The following GNA12 variants were observed in gnomAD, a reference collection of about 807,000 sequenced individuals.
The protein encoded by GNA12 is G protein subunit alpha 12.
A neutral mutation model predicts 26.0 loss-of-function variants in GNA12; 9 were observed. The observed-to-expected ratio is 0.35, with a 90% CI of 0.21 to 0.60. GNA12 has a LOEUF of 0.60. Among genes scored for constraint, GNA12 ranks in the 20% least tolerant of loss-of-function variants. The pLI is 0.78. For synonymous variants in GNA12, 264 were observed against 219.6 expected, an observed-to-expected ratio of 1.20 and a Z score of -1.79; for missense variants, 405 against 525.8, an observed-to-expected ratio of 0.77 and a Z score of 2.25.
chr7:2,827,717 A>G (rs1008747044), intron 1 of GNA12, among the ~76,000 whole-genome samples: 11 of 152,232 alleles, frequency 7.2e-5, no homozygotes, highest in African/African-American at 2.7e-4. Context: ...CAGAGAAAGG[A>G]GTTATAATGA....
intron 2 of GNA12, among the ~76,000 whole-genome samples, chr7:2,738,427 C>T (rs1301370840): frequency 2.0e-5 from 3 of 152,172 alleles, no homozygotes; most frequent in East Asian, 1.9e-4. Flanking sequence ...TACGCACCGG[C>T]GAAGGAGAAG....
intron 1 of GNA12, among the ~76,000 whole-genome samples, chr7:2,805,815 ACACT>A (rs1170529184): frequency 6.6e-6 from 1 of 152,202 alleles, no homozygotes; most frequent in Admixed American, 6.5e-5. Context: ...GACACTGAAA[ACACT>A]CACTCATCTA....
At chr7:2,732,677 C>A (rs1789960702) in intron 3 of GNA12, among the ~76,000 whole-genome samples, 2 of 152,214 alleles carry the variant, frequency 1.3e-5, no homozygotes, top group African/African-American at 4.8e-5. Context: ...AGAGGTCTGA[C>A]TACCACCCAC....
Position 2,728,932 on chromosome 7 carries a change from C to T in GNA12, c.*2249G>A, listed in dbSNP as rs377610063. 3.3e-5 allele frequency: 5 copies of T among 152,488 alleles called. No homozygotes were observed. The highest frequency in any genetic ancestry group is 4.1e-4 in the South Asian group (2 of 4,832). The allele number at this position is 152,488 out of a possible 1,614,324, so 9.4% of individuals were successfully genotyped here. A position where few individuals can be genotyped will look rare whatever the true frequency, so the allele number is the denominator to read the frequency against. On this transcript the variant is annotated 3_prime_UTR_variant, in exon 4 of 4. Coordinates refer to ENST00000275364, the MANE Select transcript of GNA12 (RefSeq NM_007353.3). ...CGCTGAGCGGGTCAAGAGCCCGCGC[C>T]GGGGGCCATCCCCCTGCGCTTTCTA... is the stretch of plus-strand genomic sequence containing the variant.
chr7:2,831,504 C>T (rs1241595494), intron 1 of GNA12, among the ~76,000 whole-genome samples: 6 of 150,604 alleles, frequency 4.0e-5, no homozygotes, highest in Non-Finnish European at 5.9e-5. Flanking sequence ...CCCGGGTTCA[C>T]GCCATTCTCC....
At chr7:2,753,672 G>A (rs140356964) in intron 2 of GNA12, among the ~76,000 whole-genome samples, 46 of 152,324 alleles carry the variant, frequency 3.0e-4, no homozygotes, top group Middle Eastern at 3.4e-3. Context: ...TGGTGTGGAT[G>A]TAAGTTTCAT....
rs899975742 is a variant in GNA12 at position 2,737,327 on chromosome 7, C to A, written c.526-3826G>T. On this transcript the variant is annotated intron_variant, in intron 2 of 3. Coordinates refer to ENST00000275364, the MANE Select transcript of GNA12 (RefSeq NM_007353.3). ...TTTTTGAGATGGAGTCTCGCCCTGTCGCCCCGGCTGGAGTGCAGTGGTGTG... is the reference window on the plus strand; with the variant it reads ...TTTTTGAGATGGAGTCTCGCCCTGTAGCCCCGGCTGGAGTGCAGTGGTGTG... Among the ~76,000 whole-genome samples the A allele has an allele frequency of 3.3e-5, 4 of 119,460 alleles. No homozygotes were observed. The South Asian group carries it at 1.2e-3, about 36-fold the overall frequency. 78.4% of individuals were successfully genotyped at this position (119,460 alleles called of 152,430 possible). A position where few individuals can be genotyped will look rare whatever the true frequency, so the allele number is the denominator to read the frequency against.
intron 1 of GNA12, among the ~76,000 whole-genome samples, chr7:2,829,055 A>G (rs2114970927): frequency 6.6e-6 from 1 of 150,784 alleles, no homozygotes; most frequent in South Asian, 2.1e-4. Flanking sequence ...CCTCGGCGAC[A>G]GAGCCAGACC....
chr7:2,745,351 T>A, intron 2 of GNA12, among the ~76,000 whole-genome samples: 1 of 151,974 alleles, frequency 6.6e-6, no homozygotes, highest in Non-Finnish European at 1.5e-5. Flanking sequence ...CAGAAGAGAG[T>A]GGGGGCCAAT....
intron 1 of GNA12, among the ~76,000 whole-genome samples, chr7:2,823,029 G>A (rs1265495494): frequency 1.3e-5 from 2 of 152,138 alleles, no homozygotes; most frequent in African/African-American, 4.8e-5. Flanking sequence ...GTCTTTCAGG[G>A]ACATTACAGT....
At chr7:2,780,850 C>CATGGCT (rs1455237175) in intron 2 of GNA12, among the ~76,000 whole-genome samples, 1 of 152,166 alleles carries the variant, frequency 6.6e-6, no homozygotes, top group Non-Finnish European at 1.5e-5. Context: ...CATTTACATA[C>CATGGCT]ATGGCTTTTC....
intron 2 of GNA12, among the ~76,000 whole-genome samples, chr7:2,789,964 G>A (rs1792476130): frequency 6.6e-6 from 1 of 152,240 alleles, no homozygotes. Context: ...GGTTAAGCCA[G>A]TTTGAGCTGG....
intron 1 of GNA12, among the ~76,000 whole-genome samples, chr7:2,807,818 A>G (rs1792984833): frequency 6.6e-6 from 1 of 152,242 alleles, no homozygotes; most frequent in African/African-American, 2.4e-5. Context: ...AGCATCAGGC[A>G]GCCTCACTAA....
chr7:2,738,326 A>C (rs1790315566), intron 2 of GNA12, among the ~76,000 whole-genome samples: 1 of 152,186 alleles, frequency 6.6e-6, no homozygotes, highest in Non-Finnish European at 1.5e-5. Context: ...TGGCAGAAAT[A>C]CAAAGTGACG....
At chr7:2,804,920 T>C (rs757072033) in intron 1 of GNA12, among the ~76,000 whole-genome samples, 3 of 148,986 alleles carry the variant, frequency 2.0e-5, no homozygotes, top group African/African-American at 5.0e-5. Flanking sequence ...AAAAAAAAGA[T>C]ATTGAAGAGG....
rs1478602881 is a variant in GNA12, at chr7:2,820,918, T to G, written c.309+22935A>C. 2.0e-5 allele frequency among the ~76,000 whole-genome samples: 3 copies of G among 152,226 alleles called. No homozygotes were observed. The East Asian group carries it at 5.8e-4, about 29-fold the overall frequency. On this transcript the variant is annotated intron_variant, in intron 1 of 3. Coordinates refer to ENST00000275364, the MANE Select transcript of GNA12 (RefSeq NM_007353.3). ...CATGGCCAGCTAATTTCTAAAAATT[T>G]CTGATAGAGATGGGATCTCACTATG...
chr7:2,791,729 G>A (rs1417226021), intron 2 of GNA12, among the ~76,000 whole-genome samples: 1 of 152,176 alleles, frequency 6.6e-6, no homozygotes, highest in African/African-American at 2.4e-5. Flanking sequence ...CTACTGCAGG[G>A]GTGGGGGAGG....
chr7:2,773,828 T>G (rs1178404485), intron 2 of GNA12, among the ~76,000 whole-genome samples: 1 of 152,098 alleles, frequency 6.6e-6, no homozygotes, highest in Non-Finnish European at 1.5e-5. Flanking sequence ...ATACCTACAG[T>G]AACATTTTTG....
chr7:2,743,159 A>G (rs1790595234), intron 2 of GNA12, among the ~76,000 whole-genome samples: 1 of 152,304 alleles, frequency 6.6e-6, no homozygotes, highest in South Asian at 2.1e-4. Flanking sequence ...TTTGCCTAAG[A>G]GCCTGGCTGG....
Sources: gnomAD v4.1 joint callset for allele counts (sites outside exome capture counted in the v4.1 genomes callset) on GRCh38, gnomAD v4.1.1 for gene constraint, MANE v1.5 for transcripts, NCBI Gene and HGNC (gene_info 2026-07-23, HGNC 2026-07-21) for gene names.